The following LEKR1 variants were observed in gnomAD, a reference collection of about 807,000 sequenced individuals.
LEKR1 encodes protein LEKR1.
Under a neutral mutation model 72.4 loss-of-function variants are expected in LEKR1, and 59 were observed. That is an observed-to-expected ratio of 0.82 (90% CI 0.66 to 1.01). The LOEUF (loss-of-function observed/expected upper bound fraction) is 1.01. Ranked by LOEUF, LEKR1 falls within the 50% of genes least tolerant of loss-of-function variation. The pLI is 0.00. For missense variants in LEKR1, 728 were observed against 759.2 expected (o/e 0.96, Z 0.48); for synonymous variants, 257 against 263.2 (o/e 0.98, Z 0.23).
chr3:156,918,729 A>T (rs973402917), intron 3 of LEKR1, among the ~76,000 whole-genome samples: 1 of 152,216 alleles, frequency 6.6e-6, no homozygotes, highest in East Asian at 1.9e-4. Context: ...CAGTGTAAAC[A>T]TGTTAGTAAT....
chr3:156,901,189 C>G (rs1342118580), intron 3 of LEKR1, among the ~76,000 whole-genome samples: 1 of 152,056 alleles, frequency 6.6e-6, no homozygotes, highest in Non-Finnish European at 1.5e-5. Context: ...TTCTTTTCTT[C>G]CCTTCATTAC....
chr3:156,906,788 T>C (rs536443527), intron 3 of LEKR1, among the ~76,000 whole-genome samples: 2 of 152,324 alleles, frequency 1.3e-5, no homozygotes, highest in South Asian at 2.1e-4. Flanking sequence ...GCTATTTGTA[T>C]GTAACATTCA....
intron 12 of LEKR1, among the ~76,000 whole-genome samples, chr3:157,041,583 C>G (rs1577033258): frequency 6.6e-6 from 1 of 152,150 alleles, no homozygotes; most frequent in East Asian, 1.9e-4. Context: ...TATTTCATCC[C>G]AAGGTGTGCC....
chr3:157,035,728 G>A (rs372358075), intron 12 of LEKR1, among the ~76,000 whole-genome samples: 10 of 151,930 alleles, frequency 6.6e-5, no homozygotes, highest in East Asian at 3.9e-4. Context: ...GTAAAACTCC[G>A]TCTCTACTGA....
At chr3:156,975,553 C>A (rs751122344) in intron 6 of LEKR1, among the ~76,000 whole-genome samples, 7 of 152,096 alleles carry the variant, frequency 4.6e-5, no homozygotes, top group Admixed American at 2.0e-4. Flanking sequence ...TTATATCAGC[C>A]TATAAAATAG....
intron 2 of LEKR1, among the ~76,000 whole-genome samples, chr3:156,852,373 A>G (rs1715465138): frequency 6.6e-6 from 1 of 152,230 alleles, no homozygotes; most frequent in South Asian, 2.1e-4. Flanking sequence ...AAGATCTGAA[A>G]AAGCCAGGAG....
chr3:156,918,156 T>C (rs1277270269), intron 3 of LEKR1, among the ~76,000 whole-genome samples: 3 of 152,170 alleles, frequency 2.0e-5, no homozygotes, highest in Non-Finnish European at 4.4e-5. Flanking sequence ...ACAATGTGAA[T>C]ACTAAATATA....
intron 12 of LEKR1, among the ~76,000 whole-genome samples, chr3:157,040,393 GT>G (rs1286981753): frequency 1.3e-5 from 2 of 152,098 alleles, no homozygotes; most frequent in Non-Finnish European, 2.9e-5. Context: ...GTTTTATTAT[GT>G]TTGTAAGCAG....
chr3:156,881,964 C>T (rs2108552405), intron 3 of LEKR1, among the ~76,000 whole-genome samples: 1 of 147,500 alleles, frequency 6.8e-6, no homozygotes, highest in African/African-American at 2.5e-5. Context: ...AAAGCTGAAA[C>T]TGGATCCCTT....
At chr3:156,974,731 A>G (rs1284364476) in intron 6 of LEKR1, among the ~76,000 whole-genome samples, 1 of 152,184 alleles carries the variant, frequency 6.6e-6, no homozygotes, top group African/African-American at 2.4e-5. Flanking sequence ...TAATATACCT[A>G]TAAATTTTTC....
chr3:156,982,863 A>G (rs993594189), intron 7 of LEKR1, among the ~76,000 whole-genome samples: 2 of 108,390 alleles, frequency 1.8e-5, no homozygotes, highest in African/African-American at 6.7e-5. Flanking sequence ...GTGTAGATAG[A>G]TAGATAGATA....
chr3:156,857,541 T>C (rs917736114), intron 3 of LEKR1, among the ~76,000 whole-genome samples: 1 of 152,180 alleles, frequency 6.6e-6, no homozygotes, highest in Non-Finnish European at 1.5e-5. Flanking sequence ...CCAGAAGTGT[T>C]TTGGATTTTG....
chr3:156,971,536 C>T (rs1420972502), intron 6 of LEKR1, among the ~76,000 whole-genome samples: 1 of 152,012 alleles, frequency 6.6e-6, no homozygotes, highest in African/African-American at 2.4e-5. Context: ...AAGAAACTAC[C>T]ATCAGAGTGA....
At chr3:156,998,947 G>C (rs1430125176) in intron 9 of LEKR1, among the ~76,000 whole-genome samples, 1 of 152,096 alleles carries the variant, frequency 6.6e-6, no homozygotes, top group Non-Finnish European at 1.5e-5. Flanking sequence ...CGTGTCATGG[G>C]AGGGACCCAG....
intron 3 of LEKR1, among the ~76,000 whole-genome samples, chr3:156,903,231 A>G (rs1722208403): frequency 1.3e-5 from 2 of 152,112 alleles, no homozygotes; most frequent in Admixed American, 1.3e-4. Context: ...TTGTAATTTG[A>G]CAATATTGGT....
intron 9 of LEKR1, among the ~76,000 whole-genome samples, chr3:157,007,596 T>C (rs1463467471): frequency 6.6e-6 from 1 of 152,248 alleles, no homozygotes; most frequent in Non-Finnish European, 1.5e-5. Context: ...GGTCAATTGA[T>C]TTGTTCTGCC....
At chr3:156,836,439 C>T (rs1713159178) in intron 2 of LEKR1, among the ~76,000 whole-genome samples, 2 of 151,922 alleles carry the variant, frequency 1.3e-5, no homozygotes, top group Admixed American at 1.3e-4. Flanking sequence ...AAAACAAGAT[C>T]CAAGAAGAGA....
At chr3:156,966,536 A>G (rs1267655111) in intron 6 of LEKR1, among the ~76,000 whole-genome samples, 1 of 152,200 alleles carries the variant, frequency 6.6e-6, no homozygotes, top group African/African-American at 2.4e-5. Context: ...CATTGCTAGC[A>G]CAGCAGTCTG....
rs1717553289 is a variant in LEKR1 at position 156,868,457 on chromosome 3, G to A, written c.263+15475G>A. On this transcript the variant is annotated intron_variant, in intron 3 of 12. Coordinates refer to ENST00000356539, the MANE Select transcript of LEKR1 (RefSeq NM_001004316.3). ...TATCTTACCTACTGCCAGAGAACAG[G>A]CACCCTGTGGAATGCCTGTGCCTGA... is the stretch of plus-strand genomic sequence containing the variant. 2.6e-5 allele frequency among the ~76,000 whole-genome samples: 4 copies of A among 151,944 alleles called. No individual in the cohort carries two copies. In the East Asian group the frequency reaches 7.7e-4, roughly 29 times the overall value.
Sources: allele counts gnomAD v4.1 joint callset (sites outside exome capture counted in the v4.1 genomes callset), GRCh38; gene constraint gnomAD v4.1.1; transcripts MANE v1.5; gene names NCBI Gene and HGNC (gene_info 2026-07-23, HGNC 2026-07-21).